Variants in HS6ST3 observed in about 807,000 individuals in gnomAD.
HS6ST3 encodes heparan sulfate 6-O-sulfotransferase 3.
HS6ST3 carries 12 observed loss-of-function variants against 36.7 expected under a neutral mutation model. That is an observed-to-expected ratio of 0.33 (90% CI 0.21 to 0.53). The LOEUF (loss-of-function observed/expected upper bound fraction) is 0.53, where lower values mean the gene tolerates loss of function less well. Ranked by LOEUF, HS6ST3 falls within the 20% of genes least tolerant of loss-of-function variation. The pLI, the probability that HS6ST3 is intolerant of heterozygous loss-of-function variation, is 0.95. For missense variants in HS6ST3, 584 were observed against 640.9 expected, an observed-to-expected ratio of 0.91 and a Z score of 0.96; for synonymous variants, 240 against 257.5, an observed-to-expected ratio of 0.93 and a Z score of 0.65.
At chr13:96,136,641 A>G (rs921721034) in intron 1 of HS6ST3, among the ~76,000 whole-genome samples, 13 of 149,816 alleles carry the variant, frequency 8.7e-5, no homozygotes, top group African/African-American at 2.9e-4. Flanking sequence ...AATCCAAACC[A>G]TATCATGTAT....
chr13:96,366,679 T>C (rs566253709), intron 1 of HS6ST3, among the ~76,000 whole-genome samples: 1 of 152,188 alleles, frequency 6.6e-6, no homozygotes, highest in South Asian at 2.1e-4. Flanking sequence ...CCAGGCATAG[T>C]ACCCCAGATG....
At chr13:96,518,691 A>G (rs999065927) in intron 1 of HS6ST3, among the ~76,000 whole-genome samples, 5 of 152,132 alleles carry the variant, frequency 3.3e-5, no homozygotes, top group African/African-American at 7.2e-5. Flanking sequence ...CAGGTTTTTT[A>G]AGCTGTAAAC....
In HS6ST3 at chr13:96,205,126, C is replaced by T. The variant is rs185377520; in HGVS notation, c.707+113557C>T. On this transcript the variant is annotated intron_variant, in intron 1 of 1. Coordinates refer to ENST00000376705, the MANE Select transcript of HS6ST3 (RefSeq NM_153456.4). ...GAAGAAAAGAAGAATCCAATGAACA[C>T]GATCAGAAATAAGGGGGGTATTACC... Among the ~76,000 whole-genome samples the T allele has an allele frequency of 1.2e-4, 18 of 151,348 alleles. No individual in the cohort carries two copies. The East Asian group carries it at 1.4e-3, about 11-fold the overall frequency.
intron 1 of HS6ST3, among the ~76,000 whole-genome samples, chr13:96,322,981 C>T (rs2055012245): frequency 6.6e-6 from 1 of 152,152 alleles, no homozygotes; most frequent in Non-Finnish European, 1.5e-5. Flanking sequence ...AGGTGATTCT[C>T]CCCAGTCTTC....
intron 1 of HS6ST3, among the ~76,000 whole-genome samples, chr13:96,822,310 G>A (rs1344411985): frequency 6.6e-6 from 1 of 152,164 alleles, no homozygotes; most frequent in African/African-American, 2.4e-5. Context: ...CGCAAAGCAG[G>A]GCGCCTCTGA....
chr13:96,147,115 T>A (rs766554552), intron 1 of HS6ST3, among the ~76,000 whole-genome samples: 1 of 152,224 alleles, frequency 6.6e-6, no homozygotes, highest in Non-Finnish European at 1.5e-5. Flanking sequence ...CACATTTTAA[T>A]TGAAAACAGA....
intron 1 of HS6ST3, among the ~76,000 whole-genome samples, chr13:96,152,990 C>T (rs1467026977): frequency 1.3e-5 from 2 of 152,150 alleles, no homozygotes; most frequent in Non-Finnish European, 2.9e-5. Context: ...ATTTCCCCTC[C>T]CTACCTGTTA....
intron 1 of HS6ST3, among the ~76,000 whole-genome samples, chr13:96,136,449 G>A (rs577802040): frequency 6.9e-4 from 105 of 152,048 alleles, no homozygotes; most frequent in Non-Finnish European, 1.2e-3. Flanking sequence ...GAGAGAGAAG[G>A]GGGAGGTGCT....
intron 1 of HS6ST3, among the ~76,000 whole-genome samples, chr13:96,156,193 A>G (rs559263867): frequency 2.0e-5 from 3 of 152,330 alleles, no homozygotes; most frequent in African/African-American, 7.2e-5. Context: ...TCCCCATTCT[A>G]TAGTTGAGTA....
intron 1 of HS6ST3, among the ~76,000 whole-genome samples, chr13:96,735,448 CA>C (rs1876259523): frequency 1.3e-5 from 2 of 152,046 alleles, no homozygotes; most frequent in Admixed American, 1.3e-4. Flanking sequence ...TCTAAGTATT[CA>C]CTGTAAAGGA....
At chr13:96,349,479 T>C (rs1014019587) in intron 1 of HS6ST3, among the ~76,000 whole-genome samples, 5 of 152,192 alleles carry the variant, frequency 3.3e-5, no homozygotes, top group African/African-American at 1.2e-4. Flanking sequence ...AAAATTGAAA[T>C]AGAATGTCAC....
chr13:96,382,806 T>C (rs2055347862), intron 1 of HS6ST3, among the ~76,000 whole-genome samples: 2 of 152,236 alleles, frequency 1.3e-5, no homozygotes, highest in African/African-American at 4.8e-5. Flanking sequence ...TGAAGAACTA[T>C]ATTATTAAGA....
At chr13:96,092,783 A>G (rs187891338) in intron 1 of HS6ST3, among the ~76,000 whole-genome samples, 1 of 152,240 alleles carries the variant, frequency 6.6e-6, no homozygotes, top group East Asian at 1.9e-4. Context: ...GAATGAGCAA[A>G]ATTTCATTAT....
At chr13:96,686,318 T>C (rs894427711) in intron 1 of HS6ST3, among the ~76,000 whole-genome samples, 1 of 152,034 alleles carries the variant, frequency 6.6e-6, no homozygotes, top group East Asian at 1.9e-4. Flanking sequence ...TCCACAGCAA[T>C]GTATTCATCC....
intron 1 of HS6ST3, among the ~76,000 whole-genome samples, chr13:96,525,249 A>G (rs1049871168): frequency 6.6e-6 from 1 of 152,196 alleles, no homozygotes; most frequent in Non-Finnish European, 1.5e-5. Flanking sequence ...CTATTTAAAA[A>G]TAGATGGGGG....
intron 1 of HS6ST3, among the ~76,000 whole-genome samples, chr13:96,361,776 T>C (rs1409120212): frequency 1.3e-5 from 2 of 152,238 alleles, no homozygotes; most frequent in African/African-American, 4.8e-5. Context: ...GATGTTACAG[T>C]GTCTGGCTAT....
chr13:96,695,970 A>T (rs2138448690), intron 1 of HS6ST3, among the ~76,000 whole-genome samples: 1 of 152,342 alleles, frequency 6.6e-6, no homozygotes, highest in South Asian at 2.1e-4. Flanking sequence ...GTTAAAATTT[A>T]ATAGTATAAA....
chr13:96,360,646 CAAA>C (rs5805964), intron 1 of HS6ST3, among the ~76,000 whole-genome samples: 7 of 134,406 alleles, frequency 5.2e-5, no homozygotes, highest in Admixed American at 7.7e-5. Context: ...TTTGTATTAT[CAAA>C]AAAAAAAAAA....
chr13:96,285,384 C>T (rs952583084), intron 1 of HS6ST3, among the ~76,000 whole-genome samples: 5 of 152,128 alleles, frequency 3.3e-5, no homozygotes, highest in African/African-American at 7.2e-5. Flanking sequence ...TCTAAATTCA[C>T]GATACTAAGT....
Sources: gnomAD v4.1 joint callset for allele counts (sites outside exome capture counted in the v4.1 genomes callset) on GRCh38, gnomAD v4.1.1 for gene constraint, MANE v1.5 for transcripts, NCBI Gene and HGNC (gene_info 2026-07-23, HGNC 2026-07-21) for gene names.